OLFM3: variants seen among roughly 807,000 people sequenced by gnomAD.
OLFM3 encodes noelin-3.
OLFM3 carries 20 observed loss-of-function variants against 48.6 expected under a neutral mutation model. The observed-to-expected ratio is 0.41, with a 90% CI of 0.29 to 0.60. The LOEUF is 0.60. OLFM3 is among the 20% of genes least tolerant of loss of function. The pLI, the probability that OLFM3 is intolerant of heterozygous loss-of-function variation, is 0.28. For synonymous variants in OLFM3, 222 were observed against 198.1 expected (o/e 1.12, Z -1.01); for missense variants, 437 against 544.3 (o/e 0.80, Z 1.96).
At chr1:101,955,926 C>T (rs10493967) in intron 1 of OLFM3, among the ~76,000 whole-genome samples, 141,671 of 151,744 alleles carry the variant, frequency 0.93, 66,371 homozygotes, top group Middle Eastern at 0.98. Flanking sequence ...GTATTCTTTA[C>T]CTCAGTTAAT....
intron 1 of OLFM3, among the ~76,000 whole-genome samples, chr1:101,857,504 C>T (rs895315484): frequency 6.6e-6 from 1 of 151,854 alleles, no homozygotes; most frequent in Non-Finnish European, 1.5e-5. Context: ...ATTATATAAA[C>T]ATTGTAACGT....
At chr1:101,951,357 A>T (rs1272153186) in intron 1 of OLFM3, among the ~76,000 whole-genome samples, 1 of 152,206 alleles carries the variant, frequency 6.6e-6, no homozygotes, top group Non-Finnish European at 1.5e-5. Context: ...CATTTTTGGC[A>T]AAATATGTTA....
intron 1 of OLFM3, among the ~76,000 whole-genome samples, chr1:101,855,727 A>G (rs978563057): frequency 1.3e-5 from 2 of 152,052 alleles, no homozygotes; most frequent in African/African-American, 2.4e-5. Flanking sequence ...CTATTTTCAG[A>G]CTTTTCTAAT....
intron 1 of OLFM3, among the ~76,000 whole-genome samples, chr1:101,898,198 CTG>C (rs140727494): frequency 0.022 from 3,306 of 152,204 alleles, 56 homozygotes; most frequent in Non-Finnish European, 0.033. Context: ...GTTTAAAAAA[CTG>C]ATTATTTTTG....
intron 1 of OLFM3, chr1:101,893,664 A>G: frequency 5.8e-6 from 1 of 173,182 alleles, no homozygotes; most frequent in South Asian, 1.4e-4. Flanking sequence ...ACCAATATCC[A>G]CTCTTGACAA....
At chr1:101,940,994 G>GCC (rs1157204254) in intron 1 of OLFM3, among the ~76,000 whole-genome samples, 1 of 152,144 alleles carries the variant, frequency 6.6e-6, no homozygotes, top group Admixed American at 6.6e-5. Flanking sequence ...ACAATAGGCT[G>GCC]TAGGTAAAAT....
chr1:101,983,223 C>T (rs2101111301), intron 1 of OLFM3, among the ~76,000 whole-genome samples: 1 of 152,338 alleles, frequency 6.6e-6, no homozygotes, highest in African/African-American at 2.4e-5. Flanking sequence ...CTCTTCAGTG[C>T]TTCACAGGCT....
At chr1:101,855,205 G>A (rs1328477725) in intron 1 of OLFM3, among the ~76,000 whole-genome samples, 1 of 151,998 alleles carries the variant, frequency 6.6e-6, no homozygotes, top group Non-Finnish European at 1.5e-5. Context: ...CCTTATTTAA[G>A]CCTGTCAGCC....
chr1:101,872,744 C>T (rs149826337), intron 1 of OLFM3, among the ~76,000 whole-genome samples: 79 of 151,918 alleles, frequency 5.2e-4, no homozygotes, highest in African/African-American at 1.8e-3. Context: ...AATTTTGCAT[C>T]TAATTACTAT....
intron 1 of OLFM3, among the ~76,000 whole-genome samples, chr1:101,891,317 A>T (rs1271955562): frequency 2.0e-5 from 3 of 151,982 alleles, no homozygotes; most frequent in Non-Finnish European, 1.5e-5. Flanking sequence ...TTCAGGAGGA[A>T]ATTTAAAATG....
chr1:101,947,672 G>A (rs1038239893), intron 1 of OLFM3, among the ~76,000 whole-genome samples: 1 of 152,122 alleles, frequency 6.6e-6, no homozygotes, highest in African/African-American at 2.4e-5. Context: ...TATGAGTGTT[G>A]CAGGTATAGA....
intron 1 of OLFM3, among the ~76,000 whole-genome samples, chr1:101,844,063 A>G (rs1655865938): frequency 6.6e-6 from 1 of 152,104 alleles, no homozygotes; most frequent in Non-Finnish European, 1.5e-5. Flanking sequence ...CAACCCTTCC[A>G]TCTAAGGGAA....
intron 1 of OLFM3, among the ~76,000 whole-genome samples, chr1:101,932,665 T>C (rs1570642515): frequency 6.6e-6 from 1 of 151,886 alleles, no homozygotes; most frequent in East Asian, 1.9e-4. Context: ...ATGGAAAGAA[T>C]AGCAACTCCA....
At chr1:101,934,951 T>G (rs1372625582) in intron 1 of OLFM3, among the ~76,000 whole-genome samples, 1 of 152,068 alleles carries the variant, frequency 6.6e-6, no homozygotes, top group Non-Finnish European at 1.5e-5. Flanking sequence ...CCAGAATCTC[T>G]GAGACACTGC....
chr1:101,973,764 C>T lies in OLFM3; in HGVS notation c.69+22984G>A, dbSNP rs1660873547. ...ATGTGGGAATGGTAGTTTTAATAGGCCTATAGTAGAAAGTATCAAGAAGGA... is the reference window on the plus strand; with the variant it reads ...ATGTGGGAATGGTAGTTTTAATAGGTCTATAGTAGAAAGTATCAAGAAGGA... On this transcript the variant is annotated intron_variant, in intron 1 of 5. Coordinates refer to ENST00000370103, the MANE Select transcript of OLFM3 (RefSeq NM_058170.4). Among the ~76,000 whole-genome samples, 7 of 151,870 alleles carry T rather than the reference C, an allele frequency of 4.6e-5. No homozygotes were observed. The South Asian group carries it at 1.5e-3, about 32-fold the overall frequency.
chr1:101,932,347 C>A (rs565122334), intron 1 of OLFM3, among the ~76,000 whole-genome samples: 19 of 152,132 alleles, frequency 1.2e-4, no homozygotes, highest in Non-Finnish European at 2.5e-4. Flanking sequence ...TGACTGGATG[C>A]AGCCAGGAGA....
At chr1:101,957,963 G>A (rs1397475398) in intron 1 of OLFM3, among the ~76,000 whole-genome samples, 16 of 152,090 alleles carry the variant, frequency 1.1e-4, no homozygotes. Flanking sequence ...TGAGTGCACA[G>A]CAGAAAGAGG....
chr1:101,965,127 G>C (rs935510290), intron 1 of OLFM3, among the ~76,000 whole-genome samples: 1 of 152,098 alleles, frequency 6.6e-6, no homozygotes, highest in African/African-American at 2.4e-5. Flanking sequence ...GGGTACTAAA[G>C]GACCCCAGGA....
At position 101,804,924 on chromosome 1, in the gene OLFM3, A is replaced by T; in HGVS notation, c.700-9T>A. On this transcript the variant is annotated splice_polypyrimidine_tract_variant and intron_variant, in intron 5 of 5. Transcript: ENST00000370103. This position sits in a 1 kb window ranked among gnomAD's most constrained non-coding sequence, Gnocchi z 4.5. ...CTGTCCATGTACCAGACCTGAGAAG[A>T]AGGAAAAAAATAAATGGAGTGACTA... is the stretch of plus-strand genomic sequence containing the variant. 1 of 1,589,386 alleles carries T rather than the reference A, an allele frequency of 6.3e-7. No individual in the cohort carries two copies. The highest frequency in any genetic ancestry group is 8.6e-7 in the Non-Finnish European group (1 of 1,169,344).
Sources: allele counts gnomAD v4.1 joint callset (sites outside exome capture counted in the v4.1 genomes callset), GRCh38; gene constraint gnomAD v4.1.1; non-coding constraint Gnocchi (gnomAD v3.1); transcripts MANE v1.5; gene names NCBI Gene and HGNC (gene_info 2026-07-23, HGNC 2026-07-21).